The following TENM4 variants were observed in gnomAD, a reference collection of about 807,000 sequenced individuals.
TENM4 encodes the protein teneurin-4.
In TENM4, 82 loss-of-function variants were observed where a neutral mutation model predicts 243.3. The ratio of observed to expected loss-of-function variants is 0.34; its 90% confidence interval spans 0.28 to 0.40. The LOEUF (loss-of-function observed/expected upper bound fraction) is 0.40. Among genes scored for constraint, TENM4 ranks in the 10% least tolerant of loss-of-function variants. TENM4 has a pLI of 1.00. For synonymous variants in TENM4, 1,412 were observed against 1,456.3 expected (o/e 0.97, Z 0.69); for missense variants, 3,138 against 3,673.3 (o/e 0.85, Z 3.77).
At chr11:79,057,021 A>T (rs1437821685) in intron 6 of TENM4, among the ~76,000 whole-genome samples, 1 of 152,218 alleles carries the variant, frequency 6.6e-6, no homozygotes, top group Non-Finnish European at 1.5e-5. Context: ...ATCCACAGGT[A>T]CAGGTACTAC....
intron 3 of TENM4, among the ~76,000 whole-genome samples, chr11:79,201,339 T>C (rs1863732701): frequency 6.6e-6 from 1 of 152,158 alleles, no homozygotes; most frequent in African/African-American, 2.4e-5. Context: ...TGATGCCTCC[T>C]TTGGAAGAGC....
At chr11:79,027,802 G>A (rs753763860) in intron 6 of TENM4, among the ~76,000 whole-genome samples, 1 of 152,158 alleles carries the variant, frequency 6.6e-6, no homozygotes, top group African/African-American at 2.4e-5. Context: ...ACAATAGCTA[G>A]ACCTATCTGT....
At chr11:79,007,556 C>A (rs1004417571) in intron 6 of TENM4, among the ~76,000 whole-genome samples, 1 of 152,210 alleles carries the variant, frequency 6.6e-6, no homozygotes, top group South Asian at 2.1e-4. Context: ...TAGGTCTGGT[C>A]GTTGCTAAGA....
In TENM4 at chr11:79,218,799, T is replaced by C. The variant is rs543095125; in HGVS notation, c.-264-2890A>G. 2.0e-5 allele frequency among the ~76,000 whole-genome samples: 3 copies of C among 152,322 alleles called. No homozygotes were observed. The South Asian group carries it at 6.2e-4, about 32-fold the overall frequency. On this transcript the variant is annotated intron_variant, in intron 2 of 33. Coordinates refer to ENST00000278550, the MANE Select transcript of TENM4 (RefSeq NM_001098816.3). ...CAGTTAATGAAACTAAAATGCTCAT[T>C]TGTTGCTGGAAAGTTTTTAAAAGTA...
At chr11:79,126,683 A>T (rs1413201031) in intron 4 of TENM4, among the ~76,000 whole-genome samples, 1 of 152,098 alleles carries the variant, frequency 6.6e-6, no homozygotes, top group Non-Finnish European at 1.5e-5. Context: ...TTTGAATAAT[A>T]AAAAAACAGA....
Position 79,258,904 on chromosome 11 carries a change from G to C in TENM4, c.-265+38584C>G, listed in dbSNP as rs112860470. On this transcript the variant is annotated intron_variant, in intron 2 of 33. Coordinates refer to ENST00000278550, the MANE Select transcript of TENM4 (RefSeq NM_001098816.3). Reference sequence around the variant, plus strand: ...TGCTCATCTGAAGAAAAACATGCCCGAGATGAGCAATCTGAAGCTGAGTTC... The same window carrying C: ...TGCTCATCTGAAGAAAAACATGCCCCAGATGAGCAATCTGAAGCTGAGTTC... Among the ~76,000 whole-genome samples the C allele has an allele frequency of 9.6e-4, 146 of 152,272 alleles. 1 individual carries two copies. Among genetic ancestry groups the C allele is most frequent in the African/African-American group, 3.2e-3 (135 of 41,542 alleles).
chr11:79,140,313 C>G lies in TENM4; in HGVS notation c.-66+8397G>C, dbSNP rs375211677. 3.9e-5 allele frequency among the ~76,000 whole-genome samples: 6 copies of G among 152,076 alleles called. No homozygotes were observed. The South Asian group carries it at 1.0e-3, about 26-fold the overall frequency. ...TGAAGACATACCATCCCCTTCCCTC[C>G]GGGCTCCCTACCCCCAAGGTTGGGC... On this transcript the variant is annotated intron_variant, in intron 4 of 33. Coordinates refer to ENST00000278550, the MANE Select transcript of TENM4 (RefSeq NM_001098816.3).
intron 2 of TENM4, among the ~76,000 whole-genome samples, chr11:79,252,251 T>C (rs1202764897): frequency 2.0e-5 from 3 of 152,206 alleles, no homozygotes; most frequent in Non-Finnish European, 4.4e-5. Flanking sequence ...TTTTTCTTTT[T>C]TGAGACTGAG....
At chr11:79,280,418 A>G (rs1856135913) in intron 2 of TENM4, among the ~76,000 whole-genome samples, 2 of 152,234 alleles carry the variant, frequency 1.3e-5, no homozygotes, top group African/African-American at 4.8e-5. Context: ...AGGTGCCACC[A>G]CAGCTCCAGG....
intron 15 of TENM4, among the ~76,000 whole-genome samples, chr11:78,797,892 C>G (rs1857193756): frequency 6.6e-6 from 1 of 152,186 alleles, no homozygotes; most frequent in African/African-American, 2.4e-5. Context: ...CTATAACATG[C>G]CTATACAGAA....
chr11:78,778,492 A>G (rs1856780407), intron 17 of TENM4, 110 bp downstream of exon 17: 11 of 1,208,692 alleles, frequency 9.1e-6, no homozygotes, highest in Non-Finnish European at 1.1e-5. Context: ...GCTTCCAGAC[A>G]TCATGCTTAT....
At chr11:79,040,086 G>A (rs1054966728) in intron 6 of TENM4, among the ~76,000 whole-genome samples, 3 of 151,214 alleles carry the variant, frequency 2.0e-5, no homozygotes, top group African/African-American at 7.3e-5. Context: ...AGAGCAACCA[G>A]AACAGAACCT....
intron 1 of TENM4, among the ~76,000 whole-genome samples, chr11:79,420,281 C>A (rs1031853120): frequency 1.3e-5 from 2 of 152,172 alleles, no homozygotes; most frequent in Non-Finnish European, 2.9e-5. Flanking sequence ...AAACGCATTT[C>A]ATTTATCTGA....
intron 2 of TENM4, among the ~76,000 whole-genome samples, chr11:79,253,539 A>G (rs1448402039): frequency 6.6e-6 from 1 of 152,210 alleles, no homozygotes; most frequent in Non-Finnish European, 1.5e-5. Context: ...TAAATGGATG[A>G]CACAGAGTCC....
In TENM4 at chr11:78,732,446, T is replaced by C; in HGVS notation, c.3008A>G (p.His1003Arg). The C allele has an allele frequency of 6.2e-7, 1 of 1,613,862 alleles. No individual in the cohort carries two copies. Among genetic ancestry groups the C allele is most frequent in the Non-Finnish European group, 8.5e-7 (1 of 1,179,832 alleles). Residue 1003 changes from histidine to arginine, a missense_variant, in exon 21 of 34, where the codon CAT (histidine) becomes CGT (arginine). Physicochemically the swap from His to Arg is conservative, Grantham distance 29. Transcript: ENST00000278550. The part of the protein sequence containing the change: ...FFVMETIIMR[H>R]EENEIPSCDL... ...ACAGCTGGGAATCTCATTCTCCTCA[T>C]GTCTCATGATGATGGTTTCCATGAC...
At chr11:78,799,896 C>A (rs956726449) in intron 15 of TENM4, among the ~76,000 whole-genome samples, 2 of 151,872 alleles carry the variant, frequency 1.3e-5, no homozygotes, top group African/African-American at 2.4e-5. Flanking sequence ...TTATGGGAGA[C>A]AAGACTGGAG....
intron 2 of TENM4, among the ~76,000 whole-genome samples, chr11:79,229,443 CT>C (rs1864335026): frequency 6.6e-6 from 1 of 152,184 alleles, no homozygotes; most frequent in Non-Finnish European, 1.5e-5. Context: ...TATACTTTTG[CT>C]GTTTCTTCTG....
chr11:78,974,723 C>CTTTTTTTTTT (rs5792830), intron 6 of TENM4, among the ~76,000 whole-genome samples: 1 of 129,282 alleles, frequency 7.7e-6, no homozygotes. Context: ...CTTTTCTTTT[C>CTTTTTTTTTT]TTTTTTTTTT....
intron 20 of TENM4, among the ~76,000 whole-genome samples, chr11:78,737,910 T>C (rs1855836366): frequency 6.6e-6 from 1 of 152,162 alleles, no homozygotes; most frequent in African/African-American, 2.4e-5. Flanking sequence ...TAAACAGCAT[T>C]AGGACCATTT....
Sources: allele counts gnomAD v4.1 joint callset (sites outside exome capture counted in the v4.1 genomes callset), GRCh38; gene constraint gnomAD v4.1.1; transcripts MANE v1.5; gene names NCBI Gene and HGNC (gene_info 2026-07-23, HGNC 2026-07-21).